LDB2: variants seen among roughly 807,000 people sequenced by gnomAD.
LDB2 encodes LIM domain-binding protein 2.
A neutral mutation model predicts 44.3 loss-of-function variants in LDB2; 12 were observed. The observed-to-expected ratio is 0.27, with a 90% CI of 0.17 to 0.44. The LOEUF (loss-of-function observed/expected upper bound fraction) is 0.44. Ranked by LOEUF, LDB2 falls within the 20% of genes least tolerant of loss-of-function variation. The probability of loss-of-function intolerance (pLI) is 1.00; values close to 1 mark genes in which losing one functional copy is unlikely to be tolerated. For missense variants in LDB2, 344 were observed against 473.5 expected, an observed-to-expected ratio of 0.73 and a Z score of 2.54; for synonymous variants, 164 against 174.8, an observed-to-expected ratio of 0.94 and a Z score of 0.49.
At chr4:16,702,861 A>G (rs114012907) in intron 2 of LDB2, among the ~76,000 whole-genome samples, 2,008 of 152,256 alleles carry the variant, frequency 0.013, 25 homozygotes, top group South Asian at 0.051. Context: ...CCACTCTGCC[A>G]TATTGAATTG....
chr4:16,860,224 G>A lies in LDB2; in HGVS notation c.132+38130C>T, dbSNP rs111558485. Among the ~76,000 whole-genome samples, 1,487 of 152,270 alleles carry A rather than the reference G, an allele frequency of 9.8e-3. 30 individuals carry two copies. The highest frequency in any genetic ancestry group is 0.034 in the African/African-American group (1,407 of 41,540). ...GTCCCACTGGCTCTTTTCATAATGC[G>A]CAATTTATCTGCACTTTCCTGTACC... is the stretch of plus-strand genomic sequence containing the variant. On this transcript the variant is annotated intron_variant, in intron 1 of 7. Transcript: ENST00000304523.
chr4:16,519,528 G>A (rs1725169817), intron 5 of LDB2, among the ~76,000 whole-genome samples: 1 of 151,618 alleles, frequency 6.6e-6, no homozygotes, highest in Admixed American at 6.6e-5. Flanking sequence ...CTGTTTTTGT[G>A]TTTCTCTTTG....
intron 1 of LDB2, among the ~76,000 whole-genome samples, chr4:16,798,863 T>C (rs1052498581): frequency 6.6e-6 from 1 of 152,120 alleles, no homozygotes; most frequent in Non-Finnish European, 1.5e-5. Context: ...TATTTATTTA[T>C]TTTTTGAGAT....
intron 2 of LDB2, among the ~76,000 whole-genome samples, chr4:16,622,944 C>A (rs1378675643): frequency 6.6e-6 from 1 of 152,112 alleles, no homozygotes; most frequent in East Asian, 1.9e-4. Flanking sequence ...TTCAATTTTA[C>A]CACGTTTATT....
intron 5 of LDB2, among the ~76,000 whole-genome samples, chr4:16,581,859 A>T (rs1316960351): frequency 6.6e-6 from 1 of 152,016 alleles, no homozygotes. Context: ...GACTAAAAAT[A>T]GTTCTTACCC....
intron 2 of LDB2, among the ~76,000 whole-genome samples, chr4:16,612,960 A>T (rs1029559804): frequency 3.3e-5 from 5 of 152,234 alleles, no homozygotes; most frequent in African/African-American, 1.2e-4. Flanking sequence ...TCAATAAAAT[A>T]CTGGTAAACT....
intron 2 of LDB2, among the ~76,000 whole-genome samples, chr4:16,648,203 T>C (rs1737300787): frequency 6.6e-6 from 1 of 152,156 alleles, no homozygotes; most frequent in Admixed American, 6.6e-5. Flanking sequence ...GGAAGTTGAG[T>C]CTTGGAGAGG....
At chr4:16,893,562 G>A (rs972010130) in intron 1 of LDB2, among the ~76,000 whole-genome samples, 1 of 152,140 alleles carries the variant, frequency 6.6e-6, no homozygotes, top group African/African-American at 2.4e-5. Flanking sequence ...CTGAGAAGGG[G>A]TGAAAACCAG....
chr4:16,703,062 G>A (rs536873767), intron 2 of LDB2, among the ~76,000 whole-genome samples: 7 of 152,190 alleles, frequency 4.6e-5, no homozygotes, highest in South Asian at 4.1e-4. Flanking sequence ...TTTATCCAGC[G>A]TCTTCTGTGT....
intron 6 of LDB2, among the ~76,000 whole-genome samples, chr4:16,509,031 G>T (rs1720677260): frequency 6.6e-6 from 1 of 152,084 alleles, no homozygotes; most frequent in African/African-American, 2.4e-5. Context: ...GAAAATTTGG[G>T]AAACTTTTTT....
chr4:16,683,639 T>C (rs1282931325), intron 2 of LDB2, among the ~76,000 whole-genome samples: 1 of 152,228 alleles, frequency 6.6e-6, no homozygotes, highest in African/African-American at 2.4e-5. Flanking sequence ...GTGAAGACCA[T>C]TGCCACTAGA....
chr4:16,848,874 C>G (rs913815819), intron 1 of LDB2, among the ~76,000 whole-genome samples: 6 of 152,144 alleles, frequency 3.9e-5, no homozygotes, highest in African/African-American at 1.4e-4. Flanking sequence ...CTGAAAGAGC[C>G]TCCTCAATCA....
At chr4:16,583,544 T>A (rs891962658) in intron 5 of LDB2, among the ~76,000 whole-genome samples, 1 of 152,226 alleles carries the variant, frequency 6.6e-6, no homozygotes, top group Admixed American at 6.5e-5. Flanking sequence ...ATGTATTTTG[T>A]GACTGCTCCG....
chr4:16,549,003 G>T (rs746515540), intron 5 of LDB2, among the ~76,000 whole-genome samples: 13 of 152,308 alleles, frequency 8.5e-5, no homozygotes, highest in Admixed American at 2.0e-4. Flanking sequence ...TGATTAGGAG[G>T]TATTGGAGTA....
At chr4:16,575,536 G>A (rs754785714) in intron 5 of LDB2, among the ~76,000 whole-genome samples, 3 of 152,122 alleles carry the variant, frequency 2.0e-5, no homozygotes, top group Non-Finnish European at 4.4e-5. Context: ...GATTCTCAAG[G>A]ATTGGCCATA....
chr4:16,750,415 T>G (rs981757054), intron 2 of LDB2, among the ~76,000 whole-genome samples: 3 of 152,238 alleles, frequency 2.0e-5, no homozygotes, highest in African/African-American at 7.2e-5. Flanking sequence ...AGGCCTGCAA[T>G]GCAGACTTTG....
At chr4:16,689,903 C>T (rs536321135) in intron 2 of LDB2, among the ~76,000 whole-genome samples, 4 of 152,140 alleles carry the variant, frequency 2.6e-5, no homozygotes, top group Non-Finnish European at 5.9e-5. Flanking sequence ...GCCTTGAAGC[C>T]GTAAATGTGA....
intron 1 of LDB2, among the ~76,000 whole-genome samples, chr4:16,831,950 A>G (rs888934320): frequency 2.0e-5 from 3 of 152,154 alleles, no homozygotes; most frequent in African/African-American, 7.2e-5. Context: ...CAACCCATGC[A>G]TTGAGACTGG....
intron 1 of LDB2, among the ~76,000 whole-genome samples, chr4:16,855,531 A>G (rs1299890771): frequency 1.3e-5 from 2 of 152,182 alleles, no homozygotes; most frequent in South Asian, 4.1e-4. Context: ...CTCACAAATT[A>G]TAGTTATTCA....
Sources: gnomAD v4.1 joint callset for allele counts (sites outside exome capture counted in the v4.1 genomes callset) on GRCh38, gnomAD v4.1.1 for gene constraint, MANE v1.5 for transcripts, NCBI Gene and HGNC (gene_info 2026-07-23, HGNC 2026-07-21) for gene names.